Variants in PKIG observed in about 807,000 individuals in gnomAD.
PKIG encodes the protein protein kinase (cAMP-dependent, catalytic) inhibitor gamma.
A neutral mutation model predicts 6.8 loss-of-function variants in PKIG; 1 was observed. The observed-to-expected ratio is 0.15, with a 90% CI of 0.05 to 0.69. The LOEUF (loss-of-function observed/expected upper bound fraction) is 0.69. Ranked by LOEUF, PKIG falls within the 30% of genes least tolerant of loss-of-function variation. The pLI, the probability that PKIG is intolerant of heterozygous loss-of-function variation, is 0.82. For synonymous variants in PKIG, 39 were observed against 43.0 expected, an observed-to-expected ratio of 0.91 and a Z score of 0.36; for missense variants, 77 against 104.0, an observed-to-expected ratio of 0.74 and a Z score of 1.13.
At position 44,534,472 on chromosome 20, in the gene PKIG, C is replaced by CT. The variant is rs777434666; in HGVS notation, c.-241+2508dup. Among the ~76,000 whole-genome samples the CT allele has an allele frequency of 7.0e-3, 999 of 141,722 alleles. 8 individuals carry two copies. Among genetic ancestry groups the CT allele is most frequent in the African/African-American group, 0.018 (692 of 38,738 alleles). 93.0% of individuals were successfully genotyped at this position (141,722 alleles called of 152,430 possible). On this transcript the variant is annotated intron_variant, in intron 1 of 4. Transcript: ENST00000372887. ...TGTTAAGTACTTTTCATGCACCATTCTTTTTTTTTTTTTTGGGACAGGGTA... is the reference window on the plus strand; with the variant it reads ...TGTTAAGTACTTTTCATGCACCATTCTTTTTTTTTTTTTTTGGGACAGGGTA...
At position 44,618,693 on chromosome 20, in the gene PKIG, C is replaced by T. The variant is rs1449834553; in HGVS notation, c.*329C>T. ...GCAGCCCACACAGGAACGCTCCTCT[C>T]GCGAGCGGCCCGGGCAGGGACCCTG... On this transcript the variant is annotated 3_prime_UTR_variant, in exon 4 of 4. Coordinates refer to ENST00000372886, the MANE Select transcript of PKIG (RefSeq NM_001281445.2). 7 of 238,438 alleles carry T rather than the reference C, an allele frequency of 2.9e-5. No individual in the cohort carries two copies. The highest frequency in any genetic ancestry group is 6.3e-5 in the South Asian group (1 of 15,818). The allele number at this position is 238,438 out of a possible 1,614,324, so 14.8% of individuals were successfully genotyped here.
chr20:44,570,475 C>T (rs940615634), intron 1 of PKIG, among the ~76,000 whole-genome samples: 1 of 152,110 alleles, frequency 6.6e-6, no homozygotes, highest in East Asian at 1.9e-4. Context: ...TGGACTTTGT[C>T]GTCATACATA....
chr20:44,574,180 T>G (rs1040314888), intron 1 of PKIG, among the ~76,000 whole-genome samples: 2 of 152,190 alleles, frequency 1.3e-5, no homozygotes, highest in African/African-American at 4.8e-5. Flanking sequence ...CTTTTTAAGG[T>G]CAAATATCAT....
Position 44,545,172 on chromosome 20 carries a change from G to A in PKIG, c.-241+13194G>A, listed in dbSNP as rs776322530. Among the ~76,000 whole-genome samples the A allele has an allele frequency of 5.2e-4, 79 of 152,052 alleles. 1 individual carries two copies. Among genetic ancestry groups the A allele is most frequent in the Admixed American group, 2.7e-3 (41 of 15,276 alleles). ...GCCAGTCTCGAACTCCTGACCTCAG[G>A]TGATCCACCCACCTTGGCCTCCCAA... On this transcript the variant is annotated intron_variant, in intron 1 of 4. Coordinates refer to the PKIG transcript ENST00000372887.
chr20:44,549,585 G>C (rs1383177732), intron 1 of PKIG, among the ~76,000 whole-genome samples: 1 of 152,162 alleles, frequency 6.6e-6, no homozygotes, highest in African/African-American at 2.4e-5. Flanking sequence ...AGCACTTTGG[G>C]AGGCCAAGGC....
upstream of PKIG, among the ~76,000 whole-genome samples, chr20:44,581,746 T>A (rs1456817217): frequency 6.6e-6 from 1 of 152,164 alleles, no homozygotes; most frequent in Non-Finnish European, 1.5e-5. Flanking sequence ...ATAAAGGGGG[T>A]TAAAGGTGCC....
chr20:44,551,382 A>G (rs1015418012), intron 1 of PKIG, among the ~76,000 whole-genome samples: 1 of 152,194 alleles, frequency 6.6e-6, no homozygotes, highest in Non-Finnish European at 1.5e-5. Context: ...TGGTAAATGC[A>G]TTCTTGGAAA....
At chr20:44,531,886 C>T (rs895876270), upstream of PKIG, 1 of 152,012 alleles carries the variant, frequency 6.6e-6, no homozygotes, top group Non-Finnish European at 1.5e-5. Context: ...AGGCAACGGG[C>T]TCCGCTGCGG....
At chr20:44,594,613 C>T (rs956351975) in intron 2 of PKIG, among the ~76,000 whole-genome samples, 3 of 152,116 alleles carry the variant, frequency 2.0e-5, no homozygotes, top group African/African-American at 4.8e-5. Flanking sequence ...TTGGTGGAGC[C>T]CCGATTCATA....
At chr20:44,578,819 A>G (rs1395483947), upstream of PKIG, among the ~76,000 whole-genome samples, 3 of 152,222 alleles carry the variant, frequency 2.0e-5, no homozygotes, top group Non-Finnish European at 4.4e-5. Flanking sequence ...AGCAGGGATA[A>G]TAATTATACC....
At chr20:44,536,413 G>T (rs1291265760) in intron 1 of PKIG, among the ~76,000 whole-genome samples, 2 of 152,170 alleles carry the variant, frequency 1.3e-5, no homozygotes, top group African/African-American at 4.8e-5. Flanking sequence ...TCTTTAGGAG[G>T]CTGGGGAAAT....
chr20:44,601,390 T>G (rs1034751762), intron 2 of PKIG, among the ~76,000 whole-genome samples: 3 of 152,268 alleles, frequency 2.0e-5, no homozygotes, highest in Non-Finnish European at 4.4e-5. Flanking sequence ...TTGTGCTGGA[T>G]GTGCCCCAAG....
chr20:44,590,894 G>A (rs962688242), intron 2 of PKIG, among the ~76,000 whole-genome samples: 1 of 152,226 alleles, frequency 6.6e-6, no homozygotes, highest in Non-Finnish European at 1.5e-5. Flanking sequence ...CACTGTAGGG[G>A]GCACATTGCA....
intron 1 of PKIG, among the ~76,000 whole-genome samples, chr20:44,544,759 C>T (rs1210781748): frequency 6.6e-6 from 1 of 152,158 alleles, no homozygotes; most frequent in African/African-American, 2.4e-5. Flanking sequence ...GATTCTGCAG[C>T]TGTGGAAGAA....
intron 1 of PKIG, among the ~76,000 whole-genome samples, chr20:44,552,639 T>G (rs2064679384): frequency 6.6e-6 from 1 of 152,192 alleles, no homozygotes; most frequent in South Asian, 2.1e-4. Flanking sequence ...CCAACCCCTG[T>G]GCGCCAGGTT....
chr20:44,613,095 C>T (rs547497611), intron 2 of PKIG, among the ~76,000 whole-genome samples: 1 of 152,370 alleles, frequency 6.6e-6, no homozygotes, highest in African/African-American at 2.4e-5. Flanking sequence ...GCACTCTTCT[C>T]TCCTTTCTCT....
At chr20:44,584,683 C>T (rs1471171606) in intron 1 of PKIG, among the ~76,000 whole-genome samples, 1 of 150,142 alleles carries the variant, frequency 6.7e-6, no homozygotes, top group Non-Finnish European at 1.5e-5. Context: ...GAATTAAGGT[C>T]CTAGTTAATA....
chr20:44,605,280 C>T (rs1330137475), intron 2 of PKIG, among the ~76,000 whole-genome samples: 1 of 151,766 alleles, frequency 6.6e-6, no homozygotes, highest in Non-Finnish European at 1.5e-5. Flanking sequence ...TGGTAGCAGG[C>T]GCCTGAGTCC....
rs1302931854 is a variant in PKIG, at chr20:44,592,882, C to T, written c.-24+3016C>T. 2.6e-5 allele frequency among the ~76,000 whole-genome samples: 4 copies of T among 152,256 alleles called. No individual in the cohort carries two copies. In the South Asian group the frequency reaches 6.2e-4, roughly 24 times the overall value. ...GTCAAAATGTCCATACTACCCAAAGCGATCTACAGAATTAATTCCATTCCT... is the reference window on the plus strand; with the variant it reads ...GTCAAAATGTCCATACTACCCAAAGTGATCTACAGAATTAATTCCATTCCT... On this transcript the variant is annotated intron_variant, in intron 2 of 3. Transcript: ENST00000372886.
Sources: gnomAD v4.1 joint callset for allele counts (sites outside exome capture counted in the v4.1 genomes callset) on GRCh38, gnomAD v4.1.1 for gene constraint, MANE v1.5 for transcripts, NCBI Gene and HGNC (gene_info 2026-07-23, HGNC 2026-07-21) for gene names.